NBEAL1: variants seen among roughly 807,000 people sequenced by gnomAD.
The protein encoded by NBEAL1 is neurobeachin like 1, also known as neurobeachin-like protein 1.
Under a neutral mutation model 351.3 loss-of-function variants are expected in NBEAL1, and 273 were observed. The ratio of observed to expected loss-of-function variants is 0.78; its 90% CI spans 0.70 to 0.86. The LOEUF (loss-of-function observed/expected upper bound fraction) is 0.86. Ranked by LOEUF, NBEAL1 falls within the 40% of genes least tolerant of loss-of-function variation. The pLI, the probability that NBEAL1 is intolerant of heterozygous loss-of-function variation, is 0.00. For missense variants in NBEAL1, 2,961 were observed against 3,201.3 expected (o/e 0.92, Z 1.81); for synonymous variants, 1,050 against 1,086.4 (o/e 0.97, Z 0.66).
chr2:203,060,709 G>A (rs1163575255), intron 6 of NBEAL1, among the ~76,000 whole-genome samples: 1 of 152,122 alleles, frequency 6.6e-6, no homozygotes, highest in Non-Finnish European at 1.5e-5. Flanking sequence ...ACAATGAACC[G>A]CTGATAAGCA....
In NBEAL1 at chr2:203,113,055, C is replaced by G; in HGVS notation, c.2243C>G (p.Thr748Ser). 6.5e-7 allele frequency: 1 copy of G among 1,529,196 alleles called. No homozygotes were observed. 94.7% of individuals were successfully genotyped at this position (1,529,196 alleles called of 1,614,324 possible). The change falls in exon 17 of 56, where the codon ACC becomes AGC. Residue 748 changes from threonine to serine, a missense_variant. By Grantham distance (58) the Thr-to-Ser change is moderately conservative. Coordinates refer to ENST00000683969, the MANE Select transcript of NBEAL1 (RefSeq NM_001378026.1). ...TGCATTGGTTCAGCTGGGCAAAGAA[C>G]CACCACTCCTCCACCATCCCAAATC... ...SCCIGSAGQR[T>S]TTPPPSQIPD...
At position 203,217,430 on chromosome 2, in the gene NBEAL1, C is replaced by T; in HGVS notation, c.*76C>T. ...GTCACTTTAACCACATCTCTCAACT[C>T]TCTGCAATGTTGCAAGGCTTTTATC... On this transcript the variant is annotated 3_prime_UTR_variant, in exon 56 of 56. Coordinates refer to ENST00000683969, the MANE Select transcript of NBEAL1 (RefSeq NM_001378026.1). 1 of 1,410,492 alleles carries T rather than the reference C, an allele frequency of 7.1e-7. No individual in the cohort carries two copies. The highest frequency in any genetic ancestry group is 2.6e-5 in the East Asian group (1 of 38,512). 87.4% of individuals were successfully genotyped at this position (1,410,492 alleles called of 1,614,324 possible). A position where few individuals can be genotyped will look rare whatever the true frequency, so the allele number is the denominator to read the frequency against.
chr2:203,191,644 T>G (rs1265413875), intron 46 of NBEAL1, among the ~76,000 whole-genome samples: 1 of 152,224 alleles, frequency 6.6e-6, no homozygotes, highest in Non-Finnish European at 1.5e-5. Flanking sequence ...TCCTCATTTT[T>G]TAGGAGTTAA....
rs771738929 is a variant in NBEAL1 at position 203,138,765 on chromosome 2, A to T, written c.4848+17A>T. The stretch of plus-strand genomic sequence containing the variant: ...AATTTGCAGGTTTGTCCATTCTTTT[A>T]TATTATTTTCTGTGCTTGCATGCAG... On this transcript the variant is annotated intron_variant, in intron 31 of 55. Coordinates refer to ENST00000683969, the MANE Select transcript of NBEAL1 (RefSeq NM_001378026.1). 1.9e-6 allele frequency: 3 copies of T among 1,599,140 alleles called. No individual in the cohort carries two copies. Among genetic ancestry groups the T allele is most frequent in the African/African-American group, 1.4e-5 (1 of 73,748 alleles).
At chr2:203,152,352 GAA>G (rs200515736) in intron 35 of NBEAL1, among the ~76,000 whole-genome samples, 11 of 124,862 alleles carry the variant, frequency 8.8e-5, no homozygotes, top group East Asian at 6.5e-4. Flanking sequence ...CCTTTTTCTA[GAA>G]AAAAAAAAAA....
intron 27 of NBEAL1, among the ~76,000 whole-genome samples, chr2:203,135,387 T>G (rs996747378): frequency 2.6e-5 from 4 of 152,178 alleles, no homozygotes; most frequent in Non-Finnish European, 5.9e-5. Flanking sequence ...ATTACTCTAT[T>G]ATTTAACATA....
At chr2:203,172,079 C>A in intron 40 of NBEAL1, 56 bp downstream of exon 40, 1 of 997,432 alleles carries the variant, frequency 1.0e-6, no homozygotes, top group Non-Finnish European at 1.5e-6. Context: ...TTATAAATCA[C>A]ATAAGTATAT....
chr2:203,082,514 T>A (rs2061891406), intron 8 of NBEAL1, among the ~76,000 whole-genome samples: 1 of 152,254 alleles, frequency 6.6e-6, no homozygotes, highest in Non-Finnish European at 1.5e-5. Context: ...ATACATATTG[T>A]TTATTTCTGT....
intron 3 of NBEAL1, among the ~76,000 whole-genome samples, chr2:203,048,448 A>G (rs1458511247): frequency 2.0e-5 from 3 of 151,416 alleles, no homozygotes; most frequent in African/African-American, 4.9e-5. Context: ...CAGAGATGAT[A>G]GGGTTTTATT....
chr2:203,187,215 A>G (rs1293948166), intron 44 of NBEAL1, among the ~76,000 whole-genome samples: 2 of 151,260 alleles, frequency 1.3e-5, no homozygotes, highest in Non-Finnish European at 2.9e-5. Flanking sequence ...TAGGTGCAAT[A>G]CCACCATTCC....
At chr2:203,032,240 C>T (rs1215460940) in intron 2 of NBEAL1, among the ~76,000 whole-genome samples, 1 of 152,128 alleles carries the variant, frequency 6.6e-6, no homozygotes, top group African/African-American at 2.4e-5. Flanking sequence ...AAGCACCAAC[C>T]TGAGCCACTC....
intron 37 of NBEAL1, 145 bp downstream of exon 37, chr2:203,166,442 T>C: frequency 2.8e-6 from 2 of 702,756 alleles, no homozygotes; most frequent in East Asian, 3.1e-5. Flanking sequence ...AAATTTGTTA[T>C]TCACCAAGGT....
In NBEAL1 at chr2:203,125,562, T is replaced by A. The variant is rs1468695760; in HGVS notation, c.2851+42T>A. On this transcript the variant is annotated intron_variant, in intron 20 of 55. Transcript: ENST00000683969. Reference sequence around the variant, plus strand: ...AACACAAAATAGTCATTGAGAAATTTGAGAATTAATTGAGAAATAAATGAA... The same window carrying A: ...AACACAAAATAGTCATTGAGAAATTAGAGAATTAATTGAGAAATAAATGAA... The A allele has an allele frequency of 2.3e-6, 3 of 1,331,256 alleles. No homozygotes were observed. The East Asian group carries it at 8.9e-5, about 40-fold the overall frequency. The allele number at this position is 1,331,256 out of a possible 1,614,324, so 82.5% of individuals were successfully genotyped here. A position where few individuals can be genotyped will look rare whatever the true frequency, so the allele number is the denominator to read the frequency against.
rs780367630 is a variant in NBEAL1, at chr2:203,144,706, GTCAA to G, written c.4964_4967del (p.Ile1655ArgfsTer10). 1 of 1,614,130 alleles carries G rather than the reference GTCAA, an allele frequency of 6.2e-7. No homozygotes were observed. Among genetic ancestry groups the G allele is most frequent in the South Asian group, 1.1e-5 (1 of 91,084 alleles). The stretch of plus-strand genomic sequence containing the variant: ...TTAGGGAAGCTGGAACATGTTCTAA[GTCAA>G]TCAATCAAGGAACAGACTGAAATCT... On this transcript the variant is annotated frameshift_variant, in exon 32 of 56. Coordinates refer to ENST00000683969, the MANE Select transcript of NBEAL1 (RefSeq NM_001378026.1). LOFTEE classifies it high-confidence loss of function.
chr2:203,180,565 C>G (rs1319894171), intron 43 of NBEAL1, 53 bp downstream of exon 43: 1 of 1,504,046 alleles, frequency 6.6e-7, no homozygotes, highest in Non-Finnish European at 8.9e-7. Flanking sequence ...GGAGGAGCCT[C>G]AAAAATGTCT....
intron 2 of NBEAL1, among the ~76,000 whole-genome samples, chr2:203,024,032 GA>G (rs948606662): frequency 6.6e-6 from 1 of 150,850 alleles, no homozygotes; most frequent in Non-Finnish European, 1.5e-5. Context: ...GGTTGCCTCA[GA>G]AAGTACAGGG....
chr2:203,041,882 C>G (rs1222860051), intron 3 of NBEAL1, 26 bp downstream of exon 3: 1 of 1,459,682 alleles, frequency 6.9e-7, no homozygotes, highest in East Asian at 2.5e-5. Context: ...AATTTGTAAC[C>G]CCTGGATGAG....
At chr2:203,049,357 A>T (rs546802840) in intron 3 of NBEAL1, among the ~76,000 whole-genome samples, 1 of 152,288 alleles carries the variant, frequency 6.6e-6, no homozygotes, top group East Asian at 1.9e-4. Flanking sequence ...GCACCTGGCC[A>T]ACAGTTGACA....
chr2:203,201,145 C>T (rs776516576), intron 49 of NBEAL1, among the ~76,000 whole-genome samples: 24 of 152,212 alleles, frequency 1.6e-4, no homozygotes, highest in Non-Finnish European at 2.9e-4. Context: ...ATCTCCTATG[C>T]ATCACCTTGT....
Sources: gnomAD v4.1 joint callset for allele counts (sites outside exome capture counted in the v4.1 genomes callset) on GRCh38, gnomAD v4.1.1 for gene constraint, MANE v1.5 for transcripts, NCBI Gene and HGNC (gene_info 2026-07-23, HGNC 2026-07-21) for gene names.